The following CSMD3 variants were observed in gnomAD, a reference collection of about 807,000 sequenced individuals.
CSMD3 encodes CUB and sushi domain-containing protein 3.
In CSMD3, 177 loss-of-function variants were observed where a neutral mutation model predicts 435.2. The ratio of observed to expected loss-of-function variants is 0.41; its 90% confidence interval spans 0.36 to 0.46. CSMD3 has a LOEUF of 0.46. Among genes scored for constraint, CSMD3 ranks in the 20% least tolerant of loss-of-function variants. The pLI is 0.34. For missense variants in CSMD3, 4,265 were observed against 4,504.6 expected (o/e 0.95, Z 1.52); for synonymous variants, 1,656 against 1,520.5 (o/e 1.09, Z -2.07).
At chr8:112,547,098 G>A (rs1400923536) in intron 27 of CSMD3, among the ~76,000 whole-genome samples, 1 of 152,084 alleles carries the variant, frequency 6.6e-6, no homozygotes, top group African/African-American at 2.4e-5. Flanking sequence ...GGGAAGGGGG[G>A]CTCAAATAAA....
intron 2 of CSMD3, among the ~76,000 whole-genome samples, chr8:113,284,258 C>CA (rs1333458287): frequency 2.0e-5 from 3 of 152,064 alleles, no homozygotes; most frequent in Admixed American, 6.6e-5. Flanking sequence ...GTTTGGGACT[C>CA]AGAGTCTAAA....
intron 38 of CSMD3, among the ~76,000 whole-genome samples, chr8:112,354,226 C>G (rs780924771): frequency 6.6e-6 from 1 of 151,934 alleles, no homozygotes; most frequent in Non-Finnish European, 1.5e-5. Flanking sequence ...TATGACAAAC[C>G]CACAGACAAT....
intron 27 of CSMD3, among the ~76,000 whole-genome samples, chr8:112,518,607 G>GGTGT (rs35981644): frequency 2.5e-4 from 36 of 144,902 alleles, no homozygotes; most frequent in African/African-American, 7.8e-4. Context: ...TATAAAAAAT[G>GGTGT]GTGTGTGTGT....
intron 13 of CSMD3, among the ~76,000 whole-genome samples, chr8:112,723,964 C>T (rs575785962): frequency 8.5e-4 from 129 of 151,980 alleles, no homozygotes; most frequent in African/African-American, 3.0e-3. Context: ...CATCCGTTCA[C>T]TCCCCACCTT....
intron 32 of CSMD3, among the ~76,000 whole-genome samples, chr8:112,453,195 A>G (rs1816476737): frequency 6.6e-6 from 1 of 152,164 alleles, no homozygotes; most frequent in South Asian, 2.1e-4. Flanking sequence ...GAAACAGAAT[A>G]CAATCCATAG....
chr8:112,638,474 C>A (rs971020559), intron 21 of CSMD3, among the ~76,000 whole-genome samples: 1 of 151,068 alleles, frequency 6.6e-6, no homozygotes, highest in African/African-American at 2.4e-5. Context: ...AGATTTATAG[C>A]AAATTAATTT....
Position 113,116,736 on chromosome 8 carries a change from A to T in CSMD3, c.710-17773T>A, listed in dbSNP as rs537518213. 3.3e-5 allele frequency among the ~76,000 whole-genome samples: 5 copies of T among 152,278 alleles called. No individual in the cohort carries two copies. In the South Asian group the frequency reaches 1.0e-3, roughly 32 times the overall value. ...GATGTTGGAAAGTTTGAAACTTCCT[A>T]GAGAGTTGTGAATGGCTTTGACAAA... On this transcript the variant is annotated intron_variant, in intron 4 of 70. Coordinates refer to ENST00000297405, the MANE Select transcript of CSMD3 (RefSeq NM_198123.2).
chr8:112,609,266 G>C (rs377040785), intron 22 of CSMD3, among the ~76,000 whole-genome samples: 1 of 124,232 alleles, frequency 8.0e-6, no homozygotes, highest in African/African-American at 3.1e-5. Flanking sequence ...ACATATACTC[G>C]ATAAAGGGTT....
At chr8:112,516,582 T>C (rs1823695225) in intron 28 of CSMD3, among the ~76,000 whole-genome samples, 1 of 152,126 alleles carries the variant, frequency 6.6e-6, no homozygotes. Context: ...TAAAAACCAA[T>C]ATTCCTTTGG....
At chr8:112,531,310 G>A (rs530703552) in intron 27 of CSMD3, among the ~76,000 whole-genome samples, 9 of 152,044 alleles carry the variant, frequency 5.9e-5, no homozygotes, top group Non-Finnish European at 1.3e-4. Flanking sequence ...ACCCAAATCT[G>A]AGCTGGCTTC....
intron 13 of CSMD3, among the ~76,000 whole-genome samples, chr8:112,699,710 C>T (rs774885865): frequency 4.6e-5 from 7 of 152,112 alleles, no homozygotes; most frequent in Non-Finnish European, 8.8e-5. Context: ...TCCTGAGAGG[C>T]GAGCATCATT....
intron 61 of CSMD3, chr8:112,255,849 CT>C: frequency 5.6e-6 from 1 of 179,292 alleles, no homozygotes; most frequent in Non-Finnish European, 1.2e-5. Flanking sequence ...TTGCAGTGCC[CT>C]TTTACATGTA....
intron 5 of CSMD3, among the ~76,000 whole-genome samples, chr8:113,028,302 T>G (rs1429886923): frequency 6.9e-6 from 1 of 145,590 alleles, no homozygotes; most frequent in African/African-American, 2.4e-5. Context: ...TTCTGACTTC[T>G]CTACTAATCA....
chr8:112,795,863 C>T (rs1486875078), intron 13 of CSMD3, among the ~76,000 whole-genome samples: 2 of 152,010 alleles, frequency 1.3e-5, no homozygotes, highest in African/African-American at 4.8e-5. Flanking sequence ...AAATACCACA[C>T]AAGTATACAA....
intron 2 of CSMD3, among the ~76,000 whole-genome samples, chr8:113,294,526 C>T (rs1588457902): frequency 6.6e-6 from 1 of 152,198 alleles, no homozygotes; most frequent in Admixed American, 6.6e-5. Flanking sequence ...TGCGAGGACT[C>T]TCAATTAGTT....
intron 19 of CSMD3, among the ~76,000 whole-genome samples, chr8:112,648,902 T>C (rs2075052201): frequency 6.6e-6 from 1 of 152,152 alleles, no homozygotes. Context: ...TCAATCATAA[T>C]GGGCCCTTCT....
intron 23 of CSMD3, among the ~76,000 whole-genome samples, chr8:112,580,234 T>TGAA (rs1334613228): frequency 6.6e-6 from 1 of 151,980 alleles, no homozygotes; most frequent in East Asian, 1.9e-4. Context: ...AAGAATTAAT[T>TGAA]AGATTACATA....
intron 5 of CSMD3, among the ~76,000 whole-genome samples, chr8:113,094,643 A>G (rs2090107429): frequency 6.6e-6 from 1 of 152,232 alleles, no homozygotes. Flanking sequence ...GTTTACAATA[A>G]TCTATTGTAT....
intron 3 of CSMD3, among the ~76,000 whole-genome samples, chr8:113,272,395 A>T (rs1485489939): frequency 6.6e-6 from 1 of 152,136 alleles, no homozygotes; most frequent in Non-Finnish European, 1.5e-5. Flanking sequence ...AAATCATGGG[A>T]GCAGTTTCCC....
Sources: allele counts gnomAD v4.1 joint callset (sites outside exome capture counted in the v4.1 genomes callset), GRCh38; gene constraint gnomAD v4.1.1; transcripts MANE v1.5; gene names NCBI Gene and HGNC (gene_info 2026-07-23, HGNC 2026-07-21).